The following BNC2 variants were observed in gnomAD, a reference collection of about 807,000 sequenced individuals.
The protein encoded by BNC2 is zinc finger protein basonuclin-2.
BNC2 carries 20 observed loss-of-function variants against 76.3 expected under a neutral mutation model. The observed-to-expected ratio is 0.26, with a 90% CI of 0.18 to 0.38. BNC2 has a LOEUF of 0.38. BNC2 is among the 10% of genes least tolerant of loss of function. The pLI, the probability that BNC2 is intolerant of heterozygous loss-of-function variation, is 1.00. For synonymous variants in BNC2, 582 were observed against 514.8 expected, an observed-to-expected ratio of 1.13 and a Z score of -1.77; for missense variants, 1,382 against 1,399.8, an observed-to-expected ratio of 0.99 and a Z score of 0.20.
intron 1 of BNC2, among the ~76,000 whole-genome samples, chr9:16,860,030 G>C (rs779341426): frequency 3.9e-5 from 6 of 152,102 alleles, no homozygotes; most frequent in Non-Finnish European, 8.8e-5. Flanking sequence ...ACTCAGGCAG[G>C]GGAATTGCTT....
At chr9:16,665,449 A>AGAAG (rs1397226859) in intron 3 of BNC2, among the ~76,000 whole-genome samples, 4 of 110,802 alleles carry the variant, frequency 3.6e-5, no homozygotes, top group African/African-American at 1.5e-4. Flanking sequence ...AAAGAAAGAA[A>AGAAG]GAAAGAAAGA....
chr9:16,831,724 A>C (rs7030523), intron 1 of BNC2, among the ~76,000 whole-genome samples: 2 of 152,146 alleles, frequency 1.3e-5, no homozygotes, highest in Non-Finnish European at 2.9e-5. Flanking sequence ...TTCTGTCCTT[A>C]ATCTACTGTG....
chr9:16,818,466 G>A (rs537068842), intron 1 of BNC2, among the ~76,000 whole-genome samples: 2 of 152,164 alleles, frequency 1.3e-5, no homozygotes, highest in African/African-American at 2.4e-5. Context: ...AGTTTAAAGA[G>A]AATACCAAAA....
intron 5 of BNC2, among the ~76,000 whole-genome samples, chr9:16,543,925 T>C (rs909973891): frequency 6.6e-6 from 1 of 152,188 alleles, no homozygotes; most frequent in Non-Finnish European, 1.5e-5. Context: ...AACACACTGC[T>C]CTGAATCATC....
At chr9:16,618,257 T>C (rs146655938) in intron 3 of BNC2, among the ~76,000 whole-genome samples, 2 of 152,126 alleles carry the variant, frequency 1.3e-5, no homozygotes, top group South Asian at 2.1e-4. Context: ...TGAAAAAAAA[T>C]GTTCAGGTTG....
intron 3 of BNC2, among the ~76,000 whole-genome samples, chr9:16,629,925 T>C (rs10810580): frequency 0.41 from 62,987 of 151,952 alleles, 13,306 homozygotes; most frequent in South Asian, 0.54. Context: ...ACTCATAAAA[T>C]AGACGGTTTG....
chr9:16,754,744 G>C (rs1825330511), intron 1 of BNC2, among the ~76,000 whole-genome samples: 1 of 152,092 alleles, frequency 6.6e-6, no homozygotes, highest in South Asian at 2.1e-4. Flanking sequence ...TTTCAGTAGA[G>C]ATGGGGTTTC....
chr9:16,833,458 G>A (rs1314916970), intron 1 of BNC2, among the ~76,000 whole-genome samples: 1 of 151,954 alleles, frequency 6.6e-6, no homozygotes, highest in African/African-American at 2.4e-5. Flanking sequence ...AGCTTGGGAA[G>A]CCAAGAGCTT....
At chr9:16,784,844 T>A (rs1025004060) in intron 1 of BNC2, among the ~76,000 whole-genome samples, 1 of 152,164 alleles carries the variant, frequency 6.6e-6, no homozygotes, top group African/African-American at 2.4e-5. Context: ...TAATGAGACT[T>A]TTTCTTTTAA....
At chr9:16,622,940 C>T (rs1177749069) in intron 3 of BNC2, among the ~76,000 whole-genome samples, 4 of 151,960 alleles carry the variant, frequency 2.6e-5, no homozygotes, top group Admixed American at 2.6e-4. Flanking sequence ...TCTCTGGGTA[C>T]CCTAATATTA....
chr9:16,435,417 T>C, intron 6 of BNC2, 138 bp downstream of exon 6: 2 of 1,048,238 alleles, frequency 1.9e-6, no homozygotes, highest in Non-Finnish European at 2.9e-6. Context: ...GCAGCCTAGT[T>C]ATCACATGAT....
At chr9:16,820,331 C>T (rs1426264995) in intron 1 of BNC2, among the ~76,000 whole-genome samples, 3 of 151,670 alleles carry the variant, frequency 2.0e-5, no homozygotes, top group Non-Finnish European at 4.4e-5. Flanking sequence ...GAGGCTGAGG[C>T]AGAAGAATCT....
chr9:16,435,567 C>G lies in BNC2; in HGVS notation c.2627G>C (p.Arg876Pro). ...AGCNAAFPSR[R>P]SRDRHSANIN... ...GAGATTTACTGACCTGTCTCGGCTT[C>G]GGCGAGAGGGGAATGCAGCATTGCA... Residue 876 changes from arginine to proline, a missense_variant, in exon 6 of 7, where the codon CGA becomes CCA. Arg to Pro is a moderately radical substitution (Grantham distance 103). Around this residue, in one of 3 missense-constraint regions of BNC2, gnomAD observed 798 missense variants for 775.5 expected, o/e 1.03. Coordinates refer to ENST00000380672, the MANE Select transcript of BNC2 (RefSeq NM_017637.6). 1 of 1,613,940 alleles carries G rather than the reference C, an allele frequency of 6.2e-7. No homozygotes were observed. The highest frequency in any genetic ancestry group is 8.5e-7 in the Non-Finnish European group (1 of 1,180,028).
At chr9:16,460,067 T>C (rs1316048024) in intron 5 of BNC2, among the ~76,000 whole-genome samples, 2 of 152,206 alleles carry the variant, frequency 1.3e-5, no homozygotes, top group Non-Finnish European at 2.9e-5. Context: ...TTTTAAGTCA[T>C]CTAATACATA....
chr9:16,787,738 C>A (rs10962593), intron 1 of BNC2, among the ~76,000 whole-genome samples: 1 of 152,026 alleles, frequency 6.6e-6, no homozygotes, highest in East Asian at 1.9e-4. Flanking sequence ...TTTGTAGAGA[C>A]GAGGGTCTCA....
intron 5 of BNC2, among the ~76,000 whole-genome samples, chr9:16,546,862 A>T (rs920474275): frequency 1.3e-5 from 2 of 152,220 alleles, no homozygotes; most frequent in African/African-American, 4.8e-5. Flanking sequence ...AAACATCCAA[A>T]TATTGCCCAT....
chr9:16,508,821 C>CTTTTTTTTTTT (rs386414529), intron 5 of BNC2, among the ~76,000 whole-genome samples: 1 of 143,418 alleles, frequency 7.0e-6, no homozygotes, highest in Non-Finnish European at 1.5e-5. Context: ...TTTTGCACAT[C>CTTTTTTTTTTT]TTTTTTTTTT....
intron 1 of BNC2, among the ~76,000 whole-genome samples, chr9:16,828,227 C>CA (rs925156249): frequency 1.3e-4 from 20 of 149,932 alleles, no homozygotes; most frequent in Non-Finnish European, 1.9e-4. Context: ...TAACTGTGCC[C>CA]AAAAAAAAAT....
At chr9:16,845,448 G>A (rs571112009) in intron 1 of BNC2, among the ~76,000 whole-genome samples, 87 of 152,296 alleles carry the variant, frequency 5.7e-4, no homozygotes, top group East Asian at 1.9e-3. Context: ...TTGGCCGGGC[G>A]CGGTGGCTCA....
Sources: gnomAD v4.1 joint callset for allele counts (sites outside exome capture counted in the v4.1 genomes callset) on GRCh38, gnomAD v4.1.1 for gene constraint, gnomAD v4.1.1 regional missense constraint, MANE v1.5 for transcripts, NCBI Gene and HGNC (gene_info 2026-07-23, HGNC 2026-07-21) for gene names.